Variants in ZFYVE26 observed in about 807,000 individuals in gnomAD.
ZFYVE26 encodes the protein zinc finger FYVE domain-containing protein 26.
A neutral mutation model predicts 276.5 loss-of-function variants in ZFYVE26; 181 were observed. The observed-to-expected ratio is 0.65, with a 90% CI of 0.58 to 0.74. The LOEUF (loss-of-function observed/expected upper bound fraction) is 0.74, where lower values mean the gene tolerates loss of function less well. ZFYVE26 is among the 30% of genes least tolerant of loss of function. ZFYVE26 has a pLI of 0.00. For missense variants in ZFYVE26, 2,821 were observed against 3,097.9 expected, an observed-to-expected ratio of 0.91 and a Z score of 2.12; for synonymous variants, 1,129 against 1,203.1, an observed-to-expected ratio of 0.94 and a Z score of 1.27.
intron 35 of ZFYVE26, among the ~76,000 whole-genome samples, chr14:67,759,057 G>A (rs1423447698): frequency 6.6e-6 from 1 of 151,366 alleles, no homozygotes; most frequent in African/African-American, 2.4e-5. Context: ...GGCTAACATG[G>A]TGAAACCCCG....
At position 67,781,321 on chromosome 14, in the gene ZFYVE26, G is replaced by A. The variant is rs374369561; in HGVS notation, c.4569+12C>T. 20 of 1,613,726 alleles carry A rather than the reference G, an allele frequency of 1.2e-5. No individual in the cohort carries two copies. Among genetic ancestry groups the A allele is most frequent in the African/African-American group, 1.2e-4 (9 of 74,884 alleles). ...AAGCCCGTTCCCTTTCTCTTGATGC[G>A]AGGGCCCATACCTTCTGATACACCT... On this transcript the variant is annotated intron_variant, in intron 22 of 41. Coordinates refer to ENST00000347230, the MANE Select transcript of ZFYVE26 (RefSeq NM_015346.4).
chr14:67,805,755 G>A lies in ZFYVE26; in HGVS notation c.1018-137C>T, dbSNP rs139503033. The stretch of plus-strand genomic sequence containing the variant: ...CAATAACAGGAGTGGTTGGCTGGGC[G>A]TAGTGGCTCATGCCTGTAATCCCAG... On this transcript the variant is annotated intron_variant, in intron 6 of 41. Coordinates refer to ENST00000347230, the MANE Select transcript of ZFYVE26 (RefSeq NM_015346.4). The A allele has an allele frequency of 7.0e-5, 73 of 1,040,444 alleles. No individual in the cohort carries two copies. The East Asian group carries it at 1.3e-3, about 19-fold the overall frequency. The allele number at this position is 1,040,444 out of a possible 1,614,324, so 64.5% of individuals were successfully genotyped here. A position where few individuals can be genotyped will look rare whatever the true frequency, so the allele number is the denominator to read the frequency against.
chr14:67,808,411 A>G (rs1001209646), intron 4 of ZFYVE26, among the ~76,000 whole-genome samples: 1 of 152,162 alleles, frequency 6.6e-6, no homozygotes, highest in Non-Finnish European at 1.5e-5. Context: ...AACCTTCTCC[A>G]ATACCTCCAA....
At position 67,806,694 on chromosome 14, in the gene ZFYVE26, G is replaced by A. The variant is rs200261586; in HGVS notation, c.887-19C>T. 1.1e-5 allele frequency: 18 copies of A among 1,611,192 alleles called. No homozygotes were observed. Among genetic ancestry groups the A allele is most frequent in the Middle Eastern group, 1.7e-4 (1 of 6,050 alleles). On this transcript the variant is annotated intron_variant, in intron 5 of 41. Transcript: ENST00000347230. ...GGTGAGACTGAACATCAAACAAGAC[G>A]GTTATCAGGAAACCAAGAACTCTTC...
At chr14:67,815,592 A>G in intron 2 of ZFYVE26, 178 bp downstream of exon 2, 2 of 675,902 alleles carry the variant, frequency 3.0e-6, no homozygotes, top group Non-Finnish European at 5.3e-6. Flanking sequence ...TCAAAAGCCA[A>G]TATTGACTAA....
downstream of ZFYVE26, among the ~76,000 whole-genome samples, chr14:67,742,838 C>CTTCTTTTT (rs769663149): frequency 3.3e-3 from 293 of 89,754 alleles, 2 homozygotes; most frequent in East Asian, 4.0e-3. Flanking sequence ...TCTTCTTCTT[C>CTTCTTTTT]TTTTTTTTTT....
intron 32 of ZFYVE26, 87 bp downstream of exon 32, chr14:67,766,140 G>T: frequency 1.6e-6 from 2 of 1,250,056 alleles, no homozygotes; most frequent in Non-Finnish European, 2.3e-6. Flanking sequence ...AGAGGATGGT[G>T]AGATAAAAAA....
chr14:67,772,056 G>GTGC lies in ZFYVE26; in HGVS notation c.5472_5474dup (p.Glu1824_His1825insGln), dbSNP rs1234008731. 6 of 1,611,106 alleles carry GTGC rather than the reference G, an allele frequency of 3.7e-6. No homozygotes were observed. The highest frequency in any genetic ancestry group is 1.7e-5 in the Admixed American group (1 of 59,822). ...GACCGATGCTGCTTACCATGGTGAA[G>GTGC]TGCTCCCTGCAGCAGACCATGCAGA... On this transcript the variant is annotated inframe_insertion, in exon 28 of 42. Transcript: ENST00000347230.
chr14:67,807,930 G>A lies in ZFYVE26; in HGVS notation c.364-10C>T. The A allele has an allele frequency of 6.2e-7, 1 of 1,614,152 alleles. No individual in the cohort carries two copies. Among genetic ancestry groups the A allele is most frequent in the Non-Finnish European group, 8.5e-7 (1 of 1,180,014 alleles). ...AGGTCTCATACAGCTCCTAAATAGA[G>A]GATGAAGAAAAGGATGGGTGGTGGG... On this transcript the variant is annotated splice_polypyrimidine_tract_variant and intron_variant, in intron 4 of 41. Coordinates refer to ENST00000347230, the MANE Select transcript of ZFYVE26 (RefSeq NM_015346.4).
At chr14:67,778,381 G>T in intron 23 of ZFYVE26, 133 bp from the exon 24 acceptor site, 1 of 1,207,604 alleles carries the variant, frequency 8.3e-7, no homozygotes, top group Non-Finnish European at 1.2e-6. Flanking sequence ...AATGATTGAA[G>T]CAGGCTTACT....
At chr14:67,751,477 C>A (rs1482623457) in intron 40 of ZFYVE26, 2 of 316,610 alleles carry the variant, frequency 6.3e-6, no homozygotes, top group African/African-American at 2.2e-5. Flanking sequence ...AACTCCTGGG[C>A]TCAAGTGATC....
chr14:67,816,321 CTT>C lies in ZFYVE26; in HGVS notation c.-84+211_-84+212del, dbSNP rs1391182765. ...TTCCCTACTGAACGTTATGCCCAGT[CTT>C]GACTCCAAATCCCCAGGTGGTCGCC... On this transcript the variant is annotated intron_variant, in intron 1 of 41. Coordinates refer to ENST00000347230, the MANE Select transcript of ZFYVE26 (RefSeq NM_015346.4). Among the ~76,000 whole-genome samples, 444 of 152,314 alleles carry C rather than the reference CTT, an allele frequency of 2.9e-3. No homozygotes were observed. Among genetic ancestry groups the C allele is most frequent in the African/African-American group, 0.01 (423 of 41,558 alleles).
In ZFYVE26 at chr14:67,794,165, G is replaced by C; in HGVS notation, c.2401+6C>G. 1 of 1,614,068 alleles carries C rather than the reference G, an allele frequency of 6.2e-7. No individual in the cohort carries two copies. The highest frequency in any genetic ancestry group is 8.5e-7 in the Non-Finnish European group (1 of 1,179,928). ...CAAAGTTGGCAACTGGTGGAAATCT[G>C]CATACCTGACGTACTTGTGCTCAGC... On this transcript the variant is annotated splice_donor_region_variant and intron_variant, in intron 13 of 41. Coordinates refer to ENST00000347230, the MANE Select transcript of ZFYVE26 (RefSeq NM_015346.4).
intron 4 of ZFYVE26, among the ~76,000 whole-genome samples, chr14:67,808,996 A>G (rs144124126): frequency 1.3e-3 from 200 of 152,288 alleles, no homozygotes; most frequent in African/African-American, 4.4e-3. Flanking sequence ...TATACTTGGT[A>G]CTTCTGGACA....
In ZFYVE26 at chr14:67,766,218, G is replaced by A; in HGVS notation, c.6011+9C>T. ...CTGTGTAAAAGAATAGAGACCCACT[G>A]CCCTCTACCTGTCACAAAGAGCCAA... On this transcript the variant is annotated intron_variant, in intron 32 of 41. Transcript: ENST00000347230. 1 of 1,613,594 alleles carries A rather than the reference G, an allele frequency of 6.2e-7. No homozygotes were observed. Among genetic ancestry groups the A allele is most frequent in the Non-Finnish European group, 8.5e-7 (1 of 1,179,702 alleles).
intron 17 of ZFYVE26, 23 bp from the exon 18 acceptor site, chr14:67,786,045 A>AAAAAG (rs1304110711): frequency 1.2e-6 from 2 of 1,614,226 alleles, no homozygotes; most frequent in Non-Finnish European, 1.7e-6. Context: ...AATGAGAAAG[A>AAAAAG]AAAAGTAAAG....
downstream of ZFYVE26, among the ~76,000 whole-genome samples, chr14:67,744,106 A>G (rs533390039): frequency 1.3e-5 from 2 of 152,360 alleles, no homozygotes; most frequent in South Asian, 2.1e-4. Context: ...GATGAAGGCC[A>G]GGAAAAGGCC....
intron 19 of ZFYVE26, 27 bp downstream of exon 19, chr14:67,785,032 A>T: frequency 6.2e-7 from 1 of 1,612,114 alleles, no homozygotes; most frequent in Non-Finnish European, 8.5e-7. Context: ...TCTGCCATGA[A>T]TCTATTGCCT....
intron 40 of ZFYVE26, 68 bp from the exon 41 acceptor site, chr14:67,751,164 C>G (rs2038631236): frequency 6.4e-7 from 1 of 1,566,012 alleles, no homozygotes; most frequent in Non-Finnish European, 8.8e-7. Context: ...AGGGCCCAAC[C>G]CAGCCTCAGC....
Sources: gnomAD v4.1 joint callset for allele counts (sites outside exome capture counted in the v4.1 genomes callset) on GRCh38, gnomAD v4.1.1 for gene constraint, MANE v1.5 for transcripts, NCBI Gene and HGNC (gene_info 2026-07-23, HGNC 2026-07-21) for gene names.